NTM: variants seen among roughly 807,000 people sequenced by gnomAD.
NTM encodes IgLON family member 2.
In NTM, 13 loss-of-function variants were observed where a neutral mutation model predicts 42.1. That is an observed-to-expected ratio of 0.31 (90% CI 0.20 to 0.49). The LOEUF is 0.49. NTM is among the 20% of genes least tolerant of loss of function. The probability of loss-of-function intolerance (pLI) is 0.99; values close to 1 mark genes in which losing one functional copy is unlikely to be tolerated. For missense variants in NTM, 373 were observed against 452.8 expected, an observed-to-expected ratio of 0.82 and a Z score of 1.60; for synonymous variants, 187 against 179.2, an observed-to-expected ratio of 1.04 and a Z score of -0.35.
chr11:131,910,927 C>T (rs1292345205), intron 1 of NTM: 10 of 988,472 alleles, frequency 1.0e-5, no homozygotes, highest in Non-Finnish European at 9.6e-6. Context: ...CGCGCGCCAC[C>T]CCTGCGCCTC....
At chr11:131,430,090 G>T (rs1363115393) in intron 1 of NTM, among the ~76,000 whole-genome samples, 2 of 152,182 alleles carry the variant, frequency 1.3e-5, no homozygotes, top group East Asian at 3.9e-4. Context: ...CTGTCACTGT[G>T]CTGGGCGCTG....
intron 1 of NTM, among the ~76,000 whole-genome samples, chr11:131,828,558 CCATCAT>C (rs1427494161): frequency 6.6e-6 from 1 of 152,080 alleles, no homozygotes; most frequent in Non-Finnish European, 1.5e-5. Context: ...GGTATTGCCA[CCATCAT>C]CACCACCACC....
At chr11:131,884,950 T>C (rs965090373) in intron 1 of NTM, among the ~76,000 whole-genome samples, 2 of 152,188 alleles carry the variant, frequency 1.3e-5, no homozygotes, top group Non-Finnish European at 2.9e-5. Context: ...AGTGGCTCTA[T>C]TAGCTGAGGC....
At chr11:131,781,228 G>T (rs1565539064) in intron 1 of NTM, among the ~76,000 whole-genome samples, 1 of 151,806 alleles carries the variant, frequency 6.6e-6, no homozygotes. Flanking sequence ...GCAATGCAGA[G>T]AACACATTTG....
intron 1 of NTM, among the ~76,000 whole-genome samples, chr11:131,734,297 T>C (rs1439187839): frequency 2.6e-5 from 4 of 152,200 alleles, no homozygotes; most frequent in African/African-American, 4.8e-5. Context: ...TGCCATGGTC[T>C]CATACTGAAG....
At chr11:132,105,764 C>G (rs899587443) in intron 2 of NTM, among the ~76,000 whole-genome samples, 6 of 152,202 alleles carry the variant, frequency 3.9e-5, no homozygotes, top group African/African-American at 1.2e-4. Context: ...ATCATGCAGC[C>G]TTGCTGTCTG....
intron 4 of NTM, among the ~76,000 whole-genome samples, chr11:132,277,438 G>C (rs1412306140): frequency 1.3e-5 from 2 of 152,132 alleles, no homozygotes; most frequent in African/African-American, 2.4e-5. Flanking sequence ...GAGATGAAAG[G>C]TGGCATTGCA....
At chr11:131,935,709 C>T (rs1469475731) in intron 2 of NTM, among the ~76,000 whole-genome samples, 1 of 152,164 alleles carries the variant, frequency 6.6e-6, no homozygotes, top group Non-Finnish European at 1.5e-5. Context: ...ATTTCCTCAT[C>T]CATAGAATGA....
chr11:132,148,644 G>T (rs2071124743), intron 3 of NTM, among the ~76,000 whole-genome samples: 1 of 152,114 alleles, frequency 6.6e-6, no homozygotes, highest in African/African-American at 2.4e-5. Flanking sequence ...TCTTTCTTCA[G>T]CCACCCCCAC....
At chr11:131,495,795 C>T (rs1263980375) in intron 1 of NTM, among the ~76,000 whole-genome samples, 2 of 152,234 alleles carry the variant, frequency 1.3e-5, no homozygotes, top group Non-Finnish European at 2.9e-5. Context: ...TTAAAGTCAG[C>T]TTCTTGCTCT....
chr11:131,917,327 G>T (rs1334277629), intron 2 of NTM, among the ~76,000 whole-genome samples: 1 of 152,200 alleles, frequency 6.6e-6, no homozygotes, highest in East Asian at 1.9e-4. Flanking sequence ...TACTTCCTCA[G>T]TGTCATTTCT....
chr11:132,032,475 A>G (rs2076049411), intron 2 of NTM, among the ~76,000 whole-genome samples: 1 of 152,156 alleles, frequency 6.6e-6, no homozygotes, highest in African/African-American at 2.4e-5. Flanking sequence ...AACTACATGT[A>G]GGATATATCC....
At chr11:132,262,940 A>G (rs1027633327) in intron 4 of NTM, among the ~76,000 whole-genome samples, 2 of 152,224 alleles carry the variant, frequency 1.3e-5, no homozygotes, top group Non-Finnish European at 2.9e-5. Flanking sequence ...TTTCCAAAAT[A>G]CAATAGTGGG....
intron 2 of NTM, chr11:131,981,142 G>A: frequency 6.6e-6 from 1 of 152,306 alleles, no homozygotes; most frequent in Non-Finnish European, 1.5e-5. Context: ...AAATGCAACT[G>A]CAGCCTGAAG....
chr11:132,133,127 G>A (rs55898104), intron 2 of NTM, among the ~76,000 whole-genome samples: 10,821 of 152,208 alleles, frequency 0.071, 435 homozygotes, highest in Middle Eastern at 0.12. Flanking sequence ...ACCTCTGTAG[G>A]TTCCTTATTG....
intron 2 of NTM, among the ~76,000 whole-genome samples, chr11:132,000,959 G>C (rs78228780): frequency 6.6e-6 from 1 of 152,182 alleles, no homozygotes; most frequent in Non-Finnish European, 1.5e-5. Context: ...TAGATAAAGC[G>C]AAGTAGGAAA....
chr11:131,929,180 C>T (rs1264109205), intron 2 of NTM, among the ~76,000 whole-genome samples: 4 of 152,232 alleles, frequency 2.6e-5, no homozygotes, highest in Non-Finnish European at 5.9e-5. Flanking sequence ...CGAGTTTAGA[C>T]TCCCTGGTTA....
At chr11:131,903,102 AAC>A (rs1436097188) in intron 1 of NTM, among the ~76,000 whole-genome samples, 1 of 148,228 alleles carries the variant, frequency 6.7e-6, no homozygotes, top group Non-Finnish European at 1.5e-5. Context: ...AGATACAGGA[AAC>A]ACAGAAAAAA....
intron 1 of NTM, among the ~76,000 whole-genome samples, chr11:131,710,192 T>C (rs2076979124): frequency 1.3e-5 from 2 of 152,150 alleles, no homozygotes; most frequent in Non-Finnish European, 2.9e-5. Context: ...TCAGGACAAC[T>C]CTCAACTCTT....
Sources: allele counts gnomAD v4.1 joint callset (sites outside exome capture counted in the v4.1 genomes callset), GRCh38; gene constraint gnomAD v4.1.1; transcripts MANE v1.5; gene names NCBI Gene and HGNC (gene_info 2026-07-23, HGNC 2026-07-21).